SYNPR: variants seen among roughly 807,000 people sequenced by gnomAD.
The protein encoded by SYNPR is synaptoporin.
Under a neutral mutation model 32.9 loss-of-function variants are expected in SYNPR, and 23 were observed. The observed-to-expected ratio is 0.70, with a 90% CI of 0.50 to 0.99. The LOEUF is 0.99. Among genes scored for constraint, SYNPR ranks in the 50% least tolerant of loss-of-function variants. SYNPR has a pLI of 0.00. For missense variants in SYNPR, 318 were observed against 349.3 expected, an observed-to-expected ratio of 0.91 and a Z score of 0.71; for synonymous variants, 146 against 135.9, an observed-to-expected ratio of 1.07 and a Z score of -0.52.
chr3:63,602,255 A>T (rs1384267656), intron 4 of SYNPR, among the ~76,000 whole-genome samples: 1 of 152,138 alleles, frequency 6.6e-6, no homozygotes, highest in East Asian at 1.9e-4. Flanking sequence ...GACTTTTGAC[A>T]GATGCACAGT....
chr3:63,360,527 C>T (rs111325444), intron 2 of SYNPR, among the ~76,000 whole-genome samples: 8 of 152,188 alleles, frequency 5.3e-5, no homozygotes, highest in African/African-American at 1.7e-4. Context: ...AAAGTAAAAC[C>T]CAGTGTCTTG....
chr3:63,206,020 T>C, the SYNPR span, among the ~76,000 whole-genome samples: 1 of 152,332 alleles, frequency 6.6e-6, no homozygotes, highest in East Asian at 1.9e-4. Context: ...GCTGGTTTTC[T>C]TCTGTTTTCC....
intron 2 of SYNPR, among the ~76,000 whole-genome samples, chr3:63,332,313 C>G (rs1399740237): frequency 6.6e-6 from 1 of 151,918 alleles, no homozygotes; most frequent in Non-Finnish European, 1.5e-5. Flanking sequence ...TGCTCTGCCA[C>G]CCTCCATCCT....
At chr3:63,602,158 T>C (rs1309403353) in intron 4 of SYNPR, among the ~76,000 whole-genome samples, 5 of 152,230 alleles carry the variant, frequency 3.3e-5, no homozygotes, top group African/African-American at 1.2e-4. Context: ...TGAAAGCGTC[T>C]GTTCATGTCC....
Position 63,248,650 on chromosome 3 carries a change from C to T in SYNPR, n.67-3849C>T, listed in dbSNP as rs546362143. ...TTAGCTTCTCTTTGTGGAGTTCTAT[C>T]GATTGTTGTGGAAACTGTTTGAGAC... On this transcript the variant is annotated intron_variant and non_coding_transcript_variant, in intron 1 of 4. Coordinates refer to the SYNPR transcript ENST00000478456. 2.4e-4 allele frequency among the ~76,000 whole-genome samples: 36 copies of T among 152,134 alleles called. 1 individual carries two copies. In the Middle Eastern group the frequency reaches 0.01, roughly 43 times the overall value.
chr3:63,543,593 CT>C (rs1483651521), intron 3 of SYNPR, among the ~76,000 whole-genome samples: 2 of 152,006 alleles, frequency 1.3e-5, no homozygotes, highest in Admixed American at 6.6e-5. Context: ...TTTACAAAGA[CT>C]TTTTTGACCC....
the SYNPR span, among the ~76,000 whole-genome samples, chr3:63,204,684 A>AT: frequency 0.046 from 6,898 of 149,654 alleles, 199 homozygotes; most frequent in East Asian, 0.089. Flanking sequence ...TCCTCGAGTG[A>AT]TTTTTTTTTT....
intron 2 of SYNPR, among the ~76,000 whole-genome samples, chr3:63,408,233 GAAAGAAA>G (rs2088398709): frequency 3.3e-5 from 2 of 60,578 alleles, no homozygotes; most frequent in Non-Finnish European, 7.1e-5. Flanking sequence ...AGGAAGGAAA[GAAAGAAA>G]GAAAGAAAGA....
intron 2 of SYNPR, among the ~76,000 whole-genome samples, chr3:63,383,478 A>G (rs1211824957): frequency 2.0e-5 from 3 of 152,024 alleles, no homozygotes; most frequent in Non-Finnish European, 4.4e-5. Context: ...CCACTTTGGG[A>G]GGCCAAGGTG....
chr3:63,454,930 A>G (rs1700452478), intron 2 of SYNPR, among the ~76,000 whole-genome samples: 1 of 152,192 alleles, frequency 6.6e-6, no homozygotes, highest in Admixed American at 6.5e-5. Flanking sequence ...CTTCAAGAAA[A>G]TGTTAGACTT....
At chr3:63,510,850 T>C (rs2106753273) in intron 3 of SYNPR, among the ~76,000 whole-genome samples, 1 of 152,098 alleles carries the variant, frequency 6.6e-6, no homozygotes, top group East Asian at 1.9e-4. Context: ...AATATGTAAG[T>C]ATCCAAGACT....
intron 2 of SYNPR, among the ~76,000 whole-genome samples, chr3:63,446,379 A>G (rs371695307): frequency 6.6e-6 from 1 of 151,792 alleles, no homozygotes; most frequent in Non-Finnish European, 1.5e-5. Flanking sequence ...CACCTGGGTA[A>G]TTTAAAAAGG....
At chr3:63,255,753 G>A (rs1244496807) in intron 2 of SYNPR, among the ~76,000 whole-genome samples, 1 of 152,146 alleles carries the variant, frequency 6.6e-6, no homozygotes, top group Non-Finnish European at 1.5e-5. Flanking sequence ...AGTGGGTGAA[G>A]GACAGTGGGT....
rs1702597560 is a variant in SYNPR, at chr3:63,556,552, G to T, written c.219G>T (p.Gln73His). The T allele has an allele frequency of 6.2e-7, 1 of 1,610,874 alleles. No individual in the cohort carries two copies. Among genetic ancestry groups the T allele is most frequent in the Admixed American group, 1.7e-5 (1 of 59,320 alleles). The change falls in exon 4 of 6, where the codon CAG (glutamine) becomes CAT (histidine). Residue 73 changes from glutamine (Q) to histidine (H), a missense_variant. By Grantham distance (24) the Gln-to-His change is conservative. Transcript: ENST00000478300. ...AAATCTGGCAATTTAGGTTGCACCAGGTGACGTTTGAGGTGCCCACCTGCG... is the reference window on the plus strand; with the variant it reads ...AAATCTGGCAATTTAGGTTGCACCATGTGACGTTTGAGGTGCCCACCTGCG... ...IAFAYPFRLH[Q>H]VTFEVPTCEG...
chr3:63,202,995 T>C, the SYNPR span, among the ~76,000 whole-genome samples: 8 of 150,532 alleles, frequency 5.3e-5, no homozygotes, highest in East Asian at 9.7e-4. Flanking sequence ...TGTGATCTAA[T>C]TGGGTAGCTA....
At chr3:63,250,376 A>T (rs1198486204) in intron 1 of SYNPR, among the ~76,000 whole-genome samples, 1 of 152,156 alleles carries the variant, frequency 6.6e-6, no homozygotes, top group Non-Finnish European at 1.5e-5. Context: ...CAAGATCTCC[A>T]CGCCTGGGGC....
intron 4 of SYNPR, among the ~76,000 whole-genome samples, chr3:63,569,660 C>T (rs1242149069): frequency 1.3e-5 from 2 of 152,338 alleles, no homozygotes; most frequent in East Asian, 3.9e-4. Context: ...TTTGCATAGC[C>T]ACGCAAGCGT....
intron 2 of SYNPR, among the ~76,000 whole-genome samples, chr3:63,385,884 G>C (rs1451847253): frequency 1.3e-5 from 2 of 152,130 alleles, no homozygotes; most frequent in East Asian, 3.9e-4. Context: ...AACAAATGGG[G>C]GTTCTAACCT....
Position 63,268,967 on chromosome 3 carries a change from C to A in SYNPR, n.287+1518C>A, listed in dbSNP as rs552307678. 7.9e-5 allele frequency among the ~76,000 whole-genome samples: 12 copies of A among 152,168 alleles called. No homozygotes were observed. In the South Asian group the frequency reaches 1.2e-3, roughly 16 times the overall value. On this transcript the variant is annotated intron_variant and non_coding_transcript_variant, in intron 3 of 4. Coordinates refer to the SYNPR transcript ENST00000478456. ...CTCACAGGAAATATTTGTGAAGAGA[C>A]TTTTGTTATAATTTCAATAGTAAGA... is the stretch of plus-strand genomic sequence containing the variant.
Sources: allele counts gnomAD v4.1 joint callset (sites outside exome capture counted in the v4.1 genomes callset), GRCh38; gene constraint gnomAD v4.1.1; transcripts MANE v1.5; gene names NCBI Gene and HGNC (gene_info 2026-07-23, HGNC 2026-07-21).